The following SCART1 variants were observed in gnomAD, a reference collection of about 807,000 sequenced individuals.
The protein encoded by SCART1 is scavenger receptor family member expressed on T cells 1.
SCART1 carries 62 observed loss-of-function variants against 36.2 expected under a neutral mutation model. The observed-to-expected ratio is 1.71, with a 90% CI of 1.40 to 2.12. The LOEUF is 2.12. Ranked by LOEUF, SCART1 falls within the 30% of genes most tolerant of loss-of-function variation. The pLI is 0.00. For missense variants in SCART1, 1,041 were observed against 540.5 expected (o/e 1.93, Z -9.18); for synonymous variants, 487 against 238.7 (o/e 2.04, Z -9.59).
chr10:133,465,773 TGGGAA>T, intron 9 of SCART1: 1 of 680,342 alleles, frequency 1.5e-6, no homozygotes, highest in African/African-American at 1.8e-5. Flanking sequence ...TAATCTTTTT[TGGGAA>T]TTCCCTTTTG....
chr10:133,456,067 G>A (rs1380265539), intron 1 of SCART1, among the ~76,000 whole-genome samples, 170 bp from the exon 2 acceptor site: 1 of 152,144 alleles, frequency 6.6e-6, no homozygotes, highest in African/African-American at 2.4e-5. Context: ...CATGGGGTGA[G>A]GGTTTCTCTG....
chr10:133,457,141 T>C (rs1385773457), intron 2 of SCART1, 138 bp from the exon 3 acceptor site: 2 of 631,654 alleles, frequency 3.2e-6, no homozygotes, highest in Non-Finnish European at 5.6e-6. Flanking sequence ...CCCAGGGCCC[T>C]GTGTGACTGC....
At chr10:133,459,729 C>G (rs570184936) in exon 6 of SCART1, 2 of 700,028 alleles carry the variant, frequency 2.9e-6, no homozygotes, top group East Asian at 2.7e-5. Context: ...CGAAACCCGC[C>G]TGACTCAGTG....
chr10:133,457,490 C>T (rs745697501), exon 3 of SCART1: 120 of 702,576 alleles, frequency 1.7e-4, no homozygotes, highest in African/African-American at 5.9e-4. Flanking sequence ...GCAGGGGTAC[C>T]GAGCCCACCA....
chr10:133,459,087 G>A lies in SCART1; in HGVS notation c.1046G>A (p.Trp349Ter), dbSNP rs1850660522. The change falls in exon 5 of 12, where the codon TGG becomes TAG. Residue 349 changes from tryptophan to a stop codon, truncating the protein, a stop_gained. Coordinates refer to ENST00000640237, the Ensembl canonical transcript of SCART1. LOFTEE classifies it high-confidence loss of function. Reference sequence around the variant, plus strand: ...GTGGAGTTCCAGGTGCAGGGGTCCTGGGCACCCCTCTGTGCCACCCACTGG... The same window carrying A: ...GTGGAGTTCCAGGTGCAGGGGTCCTAGGCACCCCTCTGTGCCACCCACTGG... 1.4e-6 allele frequency: 1 copy of A among 702,464 alleles called. No individual in the cohort carries two copies. The highest frequency in any genetic ancestry group is 1.7e-5 in the African/African-American group (1 of 57,228). 43.5% of individuals were successfully genotyped at this position (702,464 alleles called of 1,614,324 possible). A position where few individuals can be genotyped will look rare whatever the true frequency, so the allele number is the denominator to read the frequency against.
intron 6 of SCART1, 156 bp from the exon 7 acceptor site, chr10:133,464,450 G>T (rs1850739025): frequency 1.7e-6 from 1 of 588,416 alleles, no homozygotes; most frequent in Non-Finnish European, 3.0e-6. Context: ...TTGCTGGATT[G>T]TGTAGTAGCT....
exon 9 of SCART1, chr10:133,465,285 C>A (rs1216729802): frequency 1.5e-6 from 1 of 685,380 alleles, no homozygotes. Context: ...GGGGCGAGGA[C>A]CGCTGCTCCG....
chr10:133,454,068 A>C lies in SCART1; in HGVS notation c.67+4A>C, dbSNP rs778577396. 1.4e-6 allele frequency: 1 copy of C among 702,806 alleles called. No individual in the cohort carries two copies. The highest frequency in any genetic ancestry group is 1.5e-5 in the South Asian group (1 of 67,602). 43.5% of individuals were successfully genotyped at this position (702,806 alleles called of 1,614,324 possible). A position where few individuals can be genotyped will look rare whatever the true frequency, so the allele number is the denominator to read the frequency against. On this transcript the variant is annotated splice_donor_region_variant and intron_variant, in intron 1 of 11. Coordinates refer to ENST00000640237, the Ensembl canonical transcript of SCART1. ...AATCTCTGGGCAGTCCCCATTGGTA[A>C]GTTTCTGCTTCCTTCATCCATGGAA...
chr10:133,466,367 A>G (rs1286334742), exon 10 of SCART1: 1 of 702,794 alleles, frequency 1.4e-6, no homozygotes, highest in Admixed American at 2.0e-5. Context: ...CGAGTCACAC[A>G]AGCCATGCAG....
exon 10 of SCART1, chr10:133,466,292 G>A: frequency 1.4e-6 from 1 of 703,094 alleles, no homozygotes; most frequent in Non-Finnish European, 2.6e-6. Context: ...TGGGTGGTCA[G>A]TGTCGTCCTG....
exon 4 of SCART1, chr10:133,458,552 C>T (rs1371815000): frequency 8.8e-6 from 6 of 684,884 alleles, no homozygotes; most frequent in Admixed American, 6.9e-5. Flanking sequence ...CCGGTGTGGA[C>T]GGAGGCCTTC....
Position 133,465,099 on chromosome 10 carries a change from C to G in SCART1, c.2276-7C>G, listed in dbSNP as rs1177831662. The G allele has an allele frequency of 2.8e-6, 2 of 703,044 alleles. No homozygotes were observed. The highest frequency in any genetic ancestry group is 1.5e-5 in the South Asian group (1 of 67,598). 43.6% of individuals were successfully genotyped at this position (703,044 alleles called of 1,614,324 possible). A position where few individuals can be genotyped will look rare whatever the true frequency, so the allele number is the denominator to read the frequency against. ...CGAAGCTCTCAGAGCTGCTGTTTAA[C>G]CCGCAGGATTGTCAGAGGACAGGCC... On this transcript the variant is annotated splice_polypyrimidine_tract_variant and splice_region_variant and intron_variant, in intron 7 of 11. Transcript: ENST00000640237.
chr10:133,466,409 CAACTGGTGTGCAGGA>C, intron 10 of SCART1, 28 bp downstream of exon 10: 1 of 696,984 alleles, frequency 1.4e-6, no homozygotes, highest in Non-Finnish European at 2.6e-6. Flanking sequence ...CTGATCCCAT[CAACTGGTGTGCAGGA>C]GCAAGAGCAG....
At position 133,459,609 on chromosome 10, in the gene SCART1, G is replaced by A. The variant is rs1038430214; in HGVS notation, c.1408G>A (p.Val470Met). 5 of 674,842 alleles carry A rather than the reference G, an allele frequency of 7.4e-6. No individual in the cohort carries two copies. The Admixed American group carries it at 8.5e-5, about 12-fold the overall frequency. 41.8% of individuals were successfully genotyped at this position (674,842 alleles called of 1,614,324 possible). ...TGCCTGGGACCTGCGCGGCGCGGGC[G>A]TGGTGTGCCGGCAACTCGGGTGCAG... is the stretch of plus-strand genomic sequence containing the variant. The change falls in exon 6 of 12, where the codon GTG becomes ATG. Residue 470 changes from valine (V) to methionine (M), a missense_variant. Coordinates refer to ENST00000640237, the Ensembl canonical transcript of SCART1.
rs768341468 is a variant in SCART1, at chr10:133,459,892, C to CG, written c.1693dup (p.Ala565GlyfsTer18). On this transcript the variant is annotated frameshift_variant, in exon 6 of 12. Coordinates refer to ENST00000640237, the Ensembl canonical transcript of SCART1. LOFTEE classifies it high-confidence loss of function. ...TCTCTCCACAGGGAGCCTCAGGGTG[C>CG]GGCTGGCCGCGGGGCCGGGGCGCTG... The CG allele has an allele frequency of 1.5e-5, 8 of 539,268 alleles. No homozygotes were observed. The South Asian group carries it at 1.7e-4, about 11-fold the overall frequency. The allele number at this position is 539,268 out of a possible 1,614,324, so 33.4% of individuals were successfully genotyped here. A position where few individuals can be genotyped will look rare whatever the true frequency, so the allele number is the denominator to read the frequency against.
chr10:133,467,987 T>C (rs1419749987), exon 12 of SCART1: 2 of 667,366 alleles, frequency 3.0e-6, no homozygotes, highest in Admixed American at 4.3e-5. Context: ...GAGGATGAGA[T>C]ACACCAGCTG....
In SCART1 at chr10:133,460,496, A is replaced by ATATATATATATATT; in HGVS notation, c.1969+327_1969+328insATATATATATATTT. Among the ~76,000 whole-genome samples the ATATATATATATATT allele has an allele frequency of 2.2e-5, 3 of 136,016 alleles. No individual in the cohort carries two copies. In the South Asian group the frequency reaches 8.1e-4, roughly 37 times the overall value. The allele number at this position is 136,016 out of a possible 152,430, so 89.2% of individuals were successfully genotyped here. A position where few individuals can be genotyped will look rare whatever the true frequency, so the allele number is the denominator to read the frequency against. ...CATATATATATATATATATTTATATATTTTAAAAAATATTTTATATTTATT... is the reference window on the plus strand; with the variant it reads ...CATATATATATATATATATTTATATATATATATATATATTTTTTAAAAAATATTTTATATTTATT... On this transcript the variant is annotated intron_variant, in intron 6 of 11. Coordinates refer to ENST00000640237, the Ensembl canonical transcript of SCART1.
At position 133,460,131 on chromosome 10, in the gene SCART1, G is replaced by A. The variant is rs2133554199; in HGVS notation, c.1930G>A (p.Asp644Asn). The A allele has an allele frequency of 7.7e-6, 4 of 516,502 alleles. No individual in the cohort carries two copies. In the East Asian group the frequency reaches 1.4e-4, roughly 18 times the overall value. 32.0% of individuals were successfully genotyped at this position (516,502 alleles called of 1,614,324 possible). A position where few individuals can be genotyped will look rare whatever the true frequency, so the allele number is the denominator to read the frequency against. Residue 644 changes from aspartate (D) to asparagine (N), a missense_variant, in exon 6 of 12, where the codon GAC becomes AAC. Asp to Asn is a conservative substitution (Grantham distance 23). Transcript: ENST00000640237. ...CCCGTCGGCGGGCTGGGGGCGGCAC[G>A]ACTGGAGGCACAAGGAGGACGCCGG...
intron 2 of SCART1, 57 bp downstream of exon 2, chr10:133,456,611 A>T: frequency 1.6e-6 from 1 of 615,638 alleles, no homozygotes; most frequent in Non-Finnish European, 2.9e-6. Context: ...TGGGAGGACG[A>T]GGAGGAGGAC....
Sources: gnomAD v4.1 joint callset for allele counts (sites outside exome capture counted in the v4.1 genomes callset) on GRCh38, gnomAD v4.1.1 for gene constraint, MANE v1.5 for transcripts, NCBI Gene and HGNC (gene_info 2026-07-23, HGNC 2026-07-21) for gene names.